BLM: variants seen among roughly 807,000 people sequenced by gnomAD.
BLM encodes recQ-like DNA helicase BLM.
In BLM, 95 loss-of-function variants were observed where a neutral mutation model predicts 135.3. The observed-to-expected ratio is 0.70, with a 90% CI of 0.59 to 0.83. BLM has a LOEUF of 0.83. Among genes scored for constraint, BLM ranks in the 40% least tolerant of loss-of-function variants. BLM has a pLI of 0.00. For synonymous variants in BLM, 520 were observed against 589.2 expected (o/e 0.88, Z 1.70); for missense variants, 1,518 against 1,663.9 (o/e 0.91, Z 1.53).
intron 1 of BLM, among the ~76,000 whole-genome samples, chr15:90,729,226 C>G (rs1339693163): frequency 6.6e-6 from 1 of 152,124 alleles, no homozygotes; most frequent in Admixed American, 6.5e-5. Flanking sequence ...AGGAGAATTG[C>G]TTGAGCCCAG....
chr15:90,796,248 A>G (rs1897025377), intron 16 of BLM, among the ~76,000 whole-genome samples: 1 of 152,204 alleles, frequency 6.6e-6, no homozygotes, highest in Admixed American at 6.5e-5. Flanking sequence ...TGAATTACAT[A>G]TTAAGATTCA....
intron 14 of BLM, among the ~76,000 whole-genome samples, chr15:90,785,501 A>C (rs1201500464): frequency 6.6e-6 from 1 of 151,480 alleles, no homozygotes; most frequent in East Asian, 1.9e-4. Context: ...TGTACATTGC[A>C]TGTAAATAGA....
At chr15:90,765,696 C>G (rs989408015) in intron 9 of BLM, among the ~76,000 whole-genome samples, 1 of 152,140 alleles carries the variant, frequency 6.6e-6, no homozygotes, top group African/African-American at 2.4e-5. Context: ...TCAGTACTGC[C>G]AGGTCGGCAT....
At chr15:90,764,660 G>A (rs930944477) in intron 8 of BLM, among the ~76,000 whole-genome samples, 7 of 152,164 alleles carry the variant, frequency 4.6e-5, no homozygotes, top group African/African-American at 1.7e-4. Flanking sequence ...TATATAGAAA[G>A]TAATTATTTT....
At chr15:90,794,010 C>G in intron 15 of BLM, 157 bp from the exon 16 acceptor site, 2 of 477,536 alleles carry the variant, frequency 4.2e-6, no homozygotes, top group Non-Finnish European at 7.3e-6. Flanking sequence ...CATTAATACT[C>G]AGTTAATTAT....
chr15:90,811,511 T>A, intron 21 of BLM, 105 bp downstream of exon 21: 1 of 1,204,152 alleles, frequency 8.3e-7, no homozygotes, highest in Non-Finnish European at 1.2e-6. Context: ...AAGCCATTAT[T>A]AAATATTGCT....
intron 3 of BLM, among the ~76,000 whole-genome samples, chr15:90,750,396 TC>T (rs1895650747): frequency 6.6e-6 from 1 of 152,122 alleles, no homozygotes; most frequent in Non-Finnish European, 1.5e-5. Flanking sequence ...TTGCATCACT[TC>T]TCTTGCGCTT....
At chr15:90,736,458 C>T (rs1004917204) in intron 1 of BLM, among the ~76,000 whole-genome samples, 2 of 152,040 alleles carry the variant, frequency 1.3e-5, no homozygotes, top group South Asian at 2.1e-4. Flanking sequence ...GACGGAGTCT[C>T]ACCATGTTGC....
chr15:90,721,695 G>C (rs1389125227), intron 1 of BLM, among the ~76,000 whole-genome samples: 1 of 151,970 alleles, frequency 6.6e-6, no homozygotes, highest in African/African-American at 2.4e-5. Context: ...CACTTTGGGA[G>C]GCCTAGGTGG....
At chr15:90,811,456 CA>C in intron 21 of BLM, 50 bp downstream of exon 21, 1 of 1,568,464 alleles carries the variant, frequency 6.4e-7, no homozygotes, top group Non-Finnish European at 8.8e-7. Context: ...GAAGAAAGGA[CA>C]AAAGTGCAAC....
At chr15:90,785,998 C>CTTTTTTTTTTT (rs869185558) in intron 14 of BLM, among the ~76,000 whole-genome samples, 1 of 110,726 alleles carries the variant, frequency 9.0e-6, no homozygotes, top group Non-Finnish European at 1.9e-5. Flanking sequence ...TCGTTTCTTT[C>CTTTTTTTTTTT]TTTTTTTTTT....
chr15:90,741,837 C>T lies in BLM; in HGVS notation c.-4-5552C>T, dbSNP rs968502513. On this transcript the variant is annotated intron_variant, in intron 1 of 21. Transcript: ENST00000355112. The stretch of plus-strand genomic sequence containing the variant: ...CAATATGGGAGTGAAAATGAGAGAA[C>T]AATATTGTTTTTGCTGTTGTTTTTA... 3.5e-4 allele frequency among the ~76,000 whole-genome samples: 53 copies of T among 152,094 alleles called. 1 individual carries two copies. The highest frequency in any genetic ancestry group is 1.2e-3 in the African/African-American group (50 of 41,412).
intron 1 of BLM, among the ~76,000 whole-genome samples, chr15:90,733,309 A>G (rs2151134041): frequency 6.6e-6 from 1 of 152,340 alleles, no homozygotes; most frequent in African/African-American, 2.4e-5. Flanking sequence ...AATCTAGTTT[A>G]CCAAAATTGA....
intron 1 of BLM, among the ~76,000 whole-genome samples, chr15:90,731,703 T>C (rs1017525906): frequency 1.3e-5 from 2 of 152,200 alleles, no homozygotes; most frequent in Admixed American, 6.5e-5. Context: ...CTATAGCATA[T>C]GTAATTAAAT....
intron 1 of BLM, among the ~76,000 whole-genome samples, chr15:90,717,822 T>G (rs1039580681): frequency 1.3e-5 from 2 of 152,166 alleles, no homozygotes; most frequent in African/African-American, 4.8e-5. Context: ...ACGAAAACAC[T>G]TTGTACTTTT....
Position 90,793,266 on chromosome 15 carries a change from C to G in BLM, c.3020-901C>G, listed in dbSNP as rs534384191. Reference sequence around the variant, plus strand: ...TTCTCAGCCTCAGCCTCCCGACTAGCAGGGATTACAGGCTCGCACCACCAC... The same window carrying G: ...TTCTCAGCCTCAGCCTCCCGACTAGGAGGGATTACAGGCTCGCACCACCAC... On this transcript the variant is annotated intron_variant, in intron 15 of 21. Transcript: ENST00000355112. Among the ~76,000 whole-genome samples the G allele has an allele frequency of 9.9e-5, 15 of 151,890 alleles. No homozygotes were observed. The South Asian group carries it at 3.1e-3, about 31-fold the overall frequency.
chr15:90,765,442 A>G (rs1896098578), intron 9 of BLM, 28 bp downstream of exon 9: 1 of 1,487,276 alleles, frequency 6.7e-7, no homozygotes, highest in Admixed American at 1.7e-5. Flanking sequence ...TAATAAAAAC[A>G]CGCCTTAGAA....
chr15:90,797,414 CAAAAAAAAAA>C (rs56369282), intron 16 of BLM, among the ~76,000 whole-genome samples: 17 of 109,610 alleles, frequency 1.6e-4, no homozygotes, highest in Admixed American at 4.5e-4. Context: ...AACTCCATCT[CAAAAAAAAAA>C]AAAAAAAAAA....
At chr15:90,753,561 C>T (rs1268749778) in intron 4 of BLM, among the ~76,000 whole-genome samples, 1 of 152,196 alleles carries the variant, frequency 6.6e-6, no homozygotes, top group Non-Finnish European at 1.5e-5. Flanking sequence ...TCTCTTTGTA[C>T]ATTTCCCATT....
Sources: allele counts gnomAD v4.1 joint callset (sites outside exome capture counted in the v4.1 genomes callset), GRCh38; gene constraint gnomAD v4.1.1; transcripts MANE v1.5; gene names NCBI Gene and HGNC (gene_info 2026-07-23, HGNC 2026-07-21).